The following COL5A1 variants were observed in gnomAD, a reference collection of about 807,000 sequenced individuals.
The protein encoded by COL5A1 is collagen type V alpha 1 chain, also known as collagen alpha-1(V) chain.
In COL5A1, 16 loss-of-function variants were observed where a neutral mutation model predicts 263.7. The observed-to-expected ratio is 0.06, with a 90% confidence interval of 0.04 to 0.09. The LOEUF is 0.09. Ranked by LOEUF, COL5A1 falls within the 10% of genes least tolerant of loss-of-function variation. COL5A1 has a pLI of 1.00. For missense variants in COL5A1, 2,036 were observed against 2,540.5 expected, an observed-to-expected ratio of 0.80 and a Z score of 4.27; for synonymous variants, 1,012 against 1,004.5, an observed-to-expected ratio of 1.01 and a Z score of -0.14.
In COL5A1 at chr9:134,813,428, G is replaced by A. The variant is rs983657540; in HGVS notation, c.3853-555G>A. Among the ~76,000 whole-genome samples, 8 of 152,306 alleles carry A rather than the reference G, an allele frequency of 5.3e-5. No homozygotes were observed. In the South Asian group the frequency reaches 6.2e-4, roughly 12 times the overall value. ...ATTAAATTGGAAGACGCCTTCCACC[G>A]CTGCTCATTTTTTATGATACAGAAA... On this transcript the variant is annotated intron_variant, in intron 48 of 65. Transcript: ENST00000371817.
chr9:134,823,013 A>G lies in COL5A1; in HGVS notation c.4624A>G (p.Lys1542Glu), dbSNP rs1271940893. The G allele has an allele frequency of 2.5e-6, 4 of 1,614,016 alleles. No individual in the cohort carries two copies. The highest frequency in any genetic ancestry group is 2.5e-6 in the Non-Finnish European group (3 of 1,179,980). Residue 1542 changes from lysine (K) to glutamate (E), a missense_variant, in exon 60 of 66, where the codon AAA (lysine) becomes GAA (glutamate). By Grantham distance (56) the Lys-to-Glu change is moderately conservative. Transcript: ENST00000371817. Reference protein sequence around the residue: ...PPGLPGPPGPKGAKGSSGPTG... With the variant: ...PPGLPGPPGPEGAKGSSGPTG... ...CTCTCTGCAGGGTCCGCCTGGTCCA[A>G]AAGGTGCTAAGGGCTCCTCGGTAAG...
chr9:134,672,969 A>G (rs1481130653), intron 1 of COL5A1, among the ~76,000 whole-genome samples: 1 of 152,248 alleles, frequency 6.6e-6, no homozygotes, highest in African/African-American at 2.4e-5. Flanking sequence ...TGCATGACTT[A>G]TTCACTGATG....
At chr9:134,744,931 A>C (rs925198619) in intron 11 of COL5A1, among the ~76,000 whole-genome samples, 8 of 152,248 alleles carry the variant, frequency 5.3e-5, no homozygotes, top group Non-Finnish European at 1.0e-4. Context: ...GTGCACGTGC[A>C]CACACATCTA....
intron 29 of COL5A1, 131 bp from the exon 30 acceptor site, chr9:134,784,858 C>T (rs994860367): frequency 1.1e-5 from 8 of 740,934 alleles, no homozygotes; most frequent in South Asian, 3.2e-5. Context: ...TGAGTGAGGC[C>T]GAGCTGGTGG....
At chr9:134,693,891 G>C (rs539975041) in intron 2 of COL5A1, among the ~76,000 whole-genome samples, 5 of 152,166 alleles carry the variant, frequency 3.3e-5, no homozygotes, top group African/African-American at 1.2e-4. Context: ...CCAGCCACTC[G>C]TGTGGGTCAG....
At chr9:134,676,481 G>A (rs1832687464) in intron 1 of COL5A1, among the ~76,000 whole-genome samples, 1 of 152,190 alleles carries the variant, frequency 6.6e-6, no homozygotes, top group South Asian at 2.1e-4. Context: ...TTGCTGCTGT[G>A]AGCAAGCCTT....
intron 22 of COL5A1, 48 bp from the exon 23 acceptor site, chr9:134,766,952 T>G: frequency 3.9e-6 from 6 of 1,557,082 alleles, no homozygotes; most frequent in Non-Finnish European, 5.3e-6. Context: ...AGGAAGGGGA[T>G]ACAGTTCCCA....
At chr9:134,725,126 C>G (rs1364940229) in intron 4 of COL5A1, among the ~76,000 whole-genome samples, 1 of 152,176 alleles carries the variant, frequency 6.6e-6, no homozygotes, top group Non-Finnish European at 1.5e-5. Context: ...GCCACCGTCT[C>G]CAGGACCGGA....
At position 134,729,371 on chromosome 9, in the gene COL5A1, G is replaced by C. The variant is rs1195906030; in HGVS notation, c.924+564G>C. ...GTGTATGGGTGGGTGTCCTCCTGGG[G>C]AGGAGGCTGTCCAGCCTCAGAGCCA... On this transcript the variant is annotated intron_variant, in intron 6 of 65. Coordinates refer to ENST00000371817, the MANE Select transcript of COL5A1 (RefSeq NM_000093.5). 3.3e-5 allele frequency among the ~76,000 whole-genome samples: 5 copies of C among 152,190 alleles called. No homozygotes were observed. In the East Asian group the frequency reaches 9.6e-4, roughly 29 times the overall value.
At chr9:134,824,963 C>CG in intron 62 of COL5A1, 108 bp downstream of exon 62, 1 of 1,420,378 alleles carries the variant, frequency 7.0e-7, no homozygotes, top group Non-Finnish European at 9.4e-7. Context: ...AGGGACAGGA[C>CG]GGGCAGCCGC....
intron 4 of COL5A1, among the ~76,000 whole-genome samples, chr9:134,704,531 A>T (rs530939809): frequency 6.6e-6 from 1 of 152,286 alleles, no homozygotes; most frequent in South Asian, 2.1e-4. Context: ...CTTCTGGTCG[A>T]ACGGTAAGTC....
chr9:134,673,476 A>G (rs901801190), intron 1 of COL5A1, among the ~76,000 whole-genome samples: 4 of 150,620 alleles, frequency 2.7e-5, no homozygotes, highest in African/African-American at 9.9e-5. Context: ...AAAAAAAAAA[A>G]TGCTAAGATA....
In COL5A1 at chr9:134,678,990, G is replaced by A. The variant is rs1030047657; in HGVS notation, c.110-11922G>A. Among the ~76,000 whole-genome samples, 2 of 152,178 alleles carry A rather than the reference G, an allele frequency of 1.3e-5. No individual in the cohort carries two copies. Among genetic ancestry groups the A allele is most frequent in the South Asian group, 4.1e-4 (2 of 4,830 alleles). On this transcript the variant is annotated intron_variant, in intron 1 of 65. Transcript: ENST00000371817. This position sits in a 1 kb window ranked among gnomAD's most constrained non-coding sequence, Gnocchi z 5.5. ...CAGTGGCTCTGTGTTGGGGTCACGT[G>A]GTATCTGCCCTCTGTTATCCGAGAT...
Position 134,821,612 on chromosome 9 carries a change from C to T in COL5A1, c.4555-485C>T, listed in dbSNP as rs1406246247. The stretch of plus-strand genomic sequence containing the variant: ...GGGGTCTGAGCGGAGGTTCCACGCT[C>T]CAAGGATGCAGAAAGCACATTTACA... On this transcript the variant is annotated intron_variant, in intron 58 of 65. Transcript: ENST00000371817. This position sits in a 1 kb window ranked among gnomAD's most constrained non-coding sequence, Gnocchi z 4.2. Among the ~76,000 whole-genome samples the T allele has an allele frequency of 1.3e-5, 2 of 152,150 alleles. No homozygotes were observed. Among genetic ancestry groups the T allele is most frequent in the African/African-American group, 4.8e-5 (2 of 41,426 alleles).
intron 31 of COL5A1, among the ~76,000 whole-genome samples, chr9:134,788,828 A>T (rs991177261): frequency 6.9e-5 from 9 of 129,868 alleles, no homozygotes; most frequent in Admixed American, 8.5e-5. Flanking sequence ...GCATGGGAGG[A>T]TAGGTAGACA....
chr9:134,782,532 C>T (rs1474277571), intron 28 of COL5A1, 135 bp from the exon 29 acceptor site: 2 of 843,110 alleles, frequency 2.4e-6, no homozygotes, highest in South Asian at 2.7e-5. Context: ...CCCAAGCCCA[C>T]CCCGTCCGGG....
chr9:134,705,563 C>A (rs1833811131), intron 4 of COL5A1, among the ~76,000 whole-genome samples: 1 of 152,204 alleles, frequency 6.6e-6, no homozygotes, highest in African/African-American at 2.4e-5. Context: ...GACTTGGAGC[C>A]CCGTGTCCTC....
rs1247762100 is a variant in COL5A1 at position 134,755,363 on chromosome 9, A to G, written c.1827+1037A>G. Among the ~76,000 whole-genome samples the G allele has an allele frequency of 6.6e-6, 1 of 152,172 alleles. No individual in the cohort carries two copies. Among genetic ancestry groups the G allele is most frequent in the African/African-American group, 2.4e-5 (1 of 41,440 alleles). ...GAGTGAGGTTAAAAACTGGAACAAG[A>G]GGAGACTCGGGAAATGCTGTCTAAC... On this transcript the variant is annotated intron_variant, in intron 16 of 65. Transcript: ENST00000371817. The surrounding 1 kb of genome is among the most constrained non-coding windows in gnomAD (Gnocchi z 4.1).
intron 1 of COL5A1, among the ~76,000 whole-genome samples, chr9:134,648,305 A>T (rs551092831): frequency 0.018 from 1,345 of 74,322 alleles, 35 homozygotes; most frequent in South Asian, 0.15. Flanking sequence ...TATATATATA[A>T]TATATATATA....
Sources: allele counts gnomAD v4.1 joint callset (sites outside exome capture counted in the v4.1 genomes callset), GRCh38; gene constraint gnomAD v4.1.1; non-coding constraint Gnocchi (gnomAD v3.1); transcripts MANE v1.5; gene names NCBI Gene and HGNC (gene_info 2026-07-23, HGNC 2026-07-21).